Variants in WDR75 observed in about 807,000 individuals in gnomAD.
WDR75 encodes the protein WD repeat domain 75, also known as WD repeat-containing protein 75.
Under a neutral mutation model 106.1 loss-of-function variants are expected in WDR75, and 52 were observed. The observed-to-expected ratio is 0.49, with a 90% CI of 0.39 to 0.62. WDR75 has a LOEUF of 0.62. WDR75 is among the 20% of genes least tolerant of loss of function. The pLI is 0.00. For synonymous variants in WDR75, 333 were observed against 335.5 expected (o/e 0.99, Z 0.08); for missense variants, 905 against 970.3 (o/e 0.93, Z 0.89).
At chr2:189,461,863 C>G (rs1251608807) in intron 8 of WDR75, among the ~76,000 whole-genome samples, 1 of 152,132 alleles carries the variant, frequency 6.6e-6, no homozygotes, top group East Asian at 1.9e-4. Flanking sequence ...TAGATGTTAT[C>G]CAGGTACTCT....
chr2:189,467,662 C>A lies in WDR75; in HGVS notation c.1628+14C>A. 6.3e-7 allele frequency: 1 copy of A among 1,583,576 alleles called. No individual in the cohort carries two copies. Among genetic ancestry groups the A allele is most frequent in the Non-Finnish European group, 8.6e-7 (1 of 1,165,058 alleles). ...TGGGAAAATAAGGTAGGTAAATCTTCGGGAAGTATGTAGTACTATTTTTTA... is the reference window on the plus strand; with the variant it reads ...TGGGAAAATAAGGTAGGTAAATCTTAGGGAAGTATGTAGTACTATTTTTTA... On this transcript the variant is annotated intron_variant, in intron 14 of 20. Coordinates refer to ENST00000314761, the MANE Select transcript of WDR75 (RefSeq NM_032168.3).
intron 3 of WDR75, 23 bp from the exon 4 acceptor site, chr2:189,451,782 C>T: frequency 6.3e-7 from 1 of 1,598,620 alleles, no homozygotes; most frequent in South Asian, 1.1e-5. Flanking sequence ...ACAGTAAACA[C>T]TATGGTGCTC....
intron 2 of WDR75, chr2:189,450,439 T>C (rs1339431329): frequency 3.3e-6 from 3 of 896,364 alleles, no homozygotes; most frequent in East Asian, 2.4e-4. Context: ...CTCAGCTCAC[T>C]GCAACCTCAG....
At chr2:189,469,312 T>G in intron 15 of WDR75, 32 bp from the exon 16 acceptor site, 1 of 1,545,936 alleles carries the variant, frequency 6.5e-7, no homozygotes, top group Non-Finnish European at 8.9e-7. Context: ...AATCTTTCCT[T>G]AGAAGTGAAT....
At chr2:189,442,599 G>A (rs1390739985) in intron 1 of WDR75, among the ~76,000 whole-genome samples, 1 of 151,628 alleles carries the variant, frequency 6.6e-6, no homozygotes, top group Non-Finnish European at 1.5e-5. Context: ...TATAAGCGCG[G>A]GCCACCACGC....
At chr2:189,459,457 T>C in intron 8 of WDR75, 33 bp downstream of exon 8, 3 of 1,560,426 alleles carry the variant, frequency 1.9e-6, no homozygotes, top group Non-Finnish European at 2.6e-6. Context: ...AAATGAACTT[T>C]TGAAGATATG....
chr2:189,456,471 T>G (rs1269269861), intron 5 of WDR75, among the ~76,000 whole-genome samples: 1 of 151,952 alleles, frequency 6.6e-6, no homozygotes, highest in Admixed American at 6.6e-5. Flanking sequence ...CATGAGAACG[T>G]AGATTAAATT....
intron 4 of WDR75, 84 bp from the exon 5 acceptor site, chr2:189,455,236 G>A: frequency 7.2e-7 from 1 of 1,393,000 alleles, no homozygotes; most frequent in Non-Finnish European, 9.5e-7. Flanking sequence ...GCAAGACTTT[G>A]CCTCAAAAAA....
intron 1 of WDR75, among the ~76,000 whole-genome samples, chr2:189,443,612 A>G (rs1686432941): frequency 6.6e-6 from 1 of 152,204 alleles, no homozygotes; most frequent in Non-Finnish European, 1.5e-5. Context: ...TGATGTACAT[A>G]AAGTACAGTG....
At chr2:189,451,384 A>G (rs1686618752) in intron 3 of WDR75, among the ~76,000 whole-genome samples, 1 of 152,214 alleles carries the variant, frequency 6.6e-6, no homozygotes, top group South Asian at 2.1e-4. Flanking sequence ...AATTTAGCCA[A>G]ATTGTAGATT....
intron 14 of WDR75, 143 bp downstream of exon 14, chr2:189,467,791 A>G: frequency 1.5e-6 from 1 of 666,436 alleles, no homozygotes; most frequent in Non-Finnish European, 2.3e-6. Context: ...CTGGAAAGCC[A>G]AAAATTCTGA....
chr2:189,451,971 T>A (rs1332586518), intron 4 of WDR75, 76 bp downstream of exon 4: 2 of 1,275,902 alleles, frequency 1.6e-6, no homozygotes, highest in East Asian at 4.7e-5. Flanking sequence ...ATTTAACATT[T>A]TGGTTTTAAT....
At chr2:189,455,530 T>C in intron 5 of WDR75, 86 bp downstream of exon 5, 4 of 1,475,110 alleles carry the variant, frequency 2.7e-6, no homozygotes, top group Non-Finnish European at 3.7e-6. Context: ...GTTACAGTGA[T>C]TTTATATTCC....
intron 13 of WDR75, 113 bp downstream of exon 13, chr2:189,466,695 C>T: frequency 9.6e-7 from 1 of 1,042,212 alleles, no homozygotes; most frequent in Non-Finnish European, 1.4e-6. Context: ...TTGAATTCTA[C>T]AGGATATTGC....
chr2:189,473,695 C>G (rs1312271446), intron 18 of WDR75, among the ~76,000 whole-genome samples: 2 of 152,164 alleles, frequency 1.3e-5, no homozygotes, highest in African/African-American at 4.8e-5. Context: ...CACCCCACAT[C>G]CAGAGTTACT....
chr2:189,448,263 C>A, intron 1 of WDR75, 116 bp from the exon 2 acceptor site: 1 of 1,168,948 alleles, frequency 8.6e-7, no homozygotes, highest in Non-Finnish European at 1.1e-6. Context: ...GCAGGCGTAT[C>A]ACTTGAGGCC....
chr2:189,460,636 C>G (rs1487103519), intron 8 of WDR75, among the ~76,000 whole-genome samples: 1 of 133,306 alleles, frequency 7.5e-6, no homozygotes, highest in East Asian at 2.0e-4. Context: ...CCCTAAGTAG[C>G]TGGGACTACA....
intron 6 of WDR75, among the ~76,000 whole-genome samples, chr2:189,457,677 T>C (rs904260477): frequency 1.3e-5 from 2 of 152,214 alleles, no homozygotes; most frequent in Non-Finnish European, 2.9e-5. Context: ...ATGATTCTCA[T>C]TGTCATTTTA....
intron 8 of WDR75, 42 bp from the exon 9 acceptor site, chr2:189,462,442 C>G: frequency 6.3e-7 from 1 of 1,582,680 alleles, no homozygotes; most frequent in Non-Finnish European, 8.6e-7. Context: ...CTCTTTTTTC[C>G]TCAAAACACC....
Sources: gnomAD v4.1 joint callset for allele counts (sites outside exome capture counted in the v4.1 genomes callset) on GRCh38, gnomAD v4.1.1 for gene constraint, MANE v1.5 for transcripts, NCBI Gene and HGNC (gene_info 2026-07-23, HGNC 2026-07-21) for gene names.